Variants in CNTN4 observed in about 807,000 individuals in gnomAD.
The protein encoded by CNTN4 is contactin 4.
Under a neutral mutation model 122.5 loss-of-function variants are expected in CNTN4, and 77 were observed. The ratio of observed to expected loss-of-function variants is 0.63; its 90% CI spans 0.52 to 0.76. CNTN4 has a LOEUF of 0.76. CNTN4 is among the 30% of genes least tolerant of loss of function. The pLI is 0.00. For missense variants in CNTN4, 1,256 were observed against 1,259.1 expected (o/e 1.00, Z 0.04); for synonymous variants, 512 against 447.0 (o/e 1.15, Z -1.83).
chr3:2,982,798 A>G (rs1346030356), intron 13 of CNTN4, among the ~76,000 whole-genome samples: 1 of 152,212 alleles, frequency 6.6e-6, no homozygotes, highest in Non-Finnish European at 1.5e-5. Context: ...CTGTGTGCTT[A>G]TAGAAATGTG....
At chr3:2,449,614 C>CAAA (rs34181793) in intron 3 of CNTN4, among the ~76,000 whole-genome samples, 8 of 126,044 alleles carry the variant, frequency 6.3e-5, no homozygotes, top group African/African-American at 2.3e-4. Context: ...GACTCCATCT[C>CAAA]AAAAAAAAAA....
intron 4 of CNTN4, among the ~76,000 whole-genome samples, chr3:2,734,703 C>T: frequency 6.6e-6 from 1 of 150,514 alleles, no homozygotes; most frequent in Non-Finnish European, 1.5e-5. Flanking sequence ...ATTACCTTAC[C>T]AGGCTTCACC....
At chr3:2,680,152 C>T (rs976721535) in intron 4 of CNTN4, among the ~76,000 whole-genome samples, 1 of 152,130 alleles carries the variant, frequency 6.6e-6, no homozygotes, top group African/African-American at 2.4e-5. Context: ...GAAACTCATC[C>T]AACTAAATAT....
At chr3:2,781,788 G>A (rs369423076) in intron 6 of CNTN4, among the ~76,000 whole-genome samples, 4 of 128,184 alleles carry the variant, frequency 3.1e-5, no homozygotes, top group African/African-American at 7.3e-5. Flanking sequence ...GCAGTAGCGC[G>A]ATCTCTGCTC....
chr3:2,349,512 C>G (rs1032341244), intron 3 of CNTN4, among the ~76,000 whole-genome samples: 3 of 152,126 alleles, frequency 2.0e-5, no homozygotes, highest in Non-Finnish European at 4.4e-5. Context: ...AATCAGACTC[C>G]ATGATTTCAG....
At chr3:2,659,892 G>A (rs1441274906) in intron 4 of CNTN4, among the ~76,000 whole-genome samples, 4 of 152,194 alleles carry the variant, frequency 2.6e-5, no homozygotes, top group Non-Finnish European at 5.9e-5. Flanking sequence ...CATTGCTCCT[G>A]TTCAGATACA....
chr3:2,162,562 T>C (rs1017929315), intron 2 of CNTN4, among the ~76,000 whole-genome samples: 2 of 152,178 alleles, frequency 1.3e-5, no homozygotes, highest in African/African-American at 2.4e-5. Flanking sequence ...AGAGCTATCA[T>C]TGTGCAAAGA....
At chr3:2,861,534 G>A (rs2093671418) in intron 7 of CNTN4, among the ~76,000 whole-genome samples, 1 of 152,084 alleles carries the variant, frequency 6.6e-6, no homozygotes, top group African/African-American at 2.4e-5. Context: ...GTAAAAAACA[G>A]GATACATATT....
chr3:2,230,831 A>T (rs1319537796), intron 2 of CNTN4, among the ~76,000 whole-genome samples: 1 of 151,930 alleles, frequency 6.6e-6, no homozygotes, highest in Non-Finnish European at 1.5e-5. Flanking sequence ...ATAAAAAAAT[A>T]CCAAAATTGG....
chr3:2,414,156 A>G (rs1559531276), intron 3 of CNTN4, among the ~76,000 whole-genome samples: 1 of 152,198 alleles, frequency 6.6e-6, no homozygotes, highest in Non-Finnish European at 1.5e-5. Context: ...GTTTTCTAAC[A>G]ATGTAGGATG....
chr3:2,999,463 A>C (rs9866985), intron 14 of CNTN4, among the ~76,000 whole-genome samples: 14,212 of 152,098 alleles, frequency 0.093, 1,436 homozygotes, highest in African/African-American at 0.25. Flanking sequence ...TAACTTGTGA[A>C]CAATAGCAGC....
At chr3:2,208,142 G>T (rs544277805) in intron 2 of CNTN4, among the ~76,000 whole-genome samples, 2 of 152,140 alleles carry the variant, frequency 1.3e-5, no homozygotes, top group South Asian at 2.1e-4. Context: ...CATAGATAGT[G>T]ATTCCTCTGA....
intron 4 of CNTN4, among the ~76,000 whole-genome samples, chr3:2,572,135 C>T (rs1474732136): frequency 6.6e-6 from 1 of 152,194 alleles, no homozygotes; most frequent in African/African-American, 2.4e-5. Flanking sequence ...CACCATTAAT[C>T]CCAGCACTTT....
intron 4 of CNTN4, among the ~76,000 whole-genome samples, chr3:2,699,275 A>G (rs963228327): frequency 4.6e-5 from 7 of 151,968 alleles, no homozygotes; most frequent in African/African-American, 1.7e-4. Flanking sequence ...GACATGTCTG[A>G]TGTGTTTTTG....
At chr3:3,003,102 C>G (rs1467877599) in intron 14 of CNTN4, among the ~76,000 whole-genome samples, 6 of 152,170 alleles carry the variant, frequency 3.9e-5, no homozygotes, top group Non-Finnish European at 8.8e-5. Context: ...CAAGCCACTT[C>G]AAATGGCTCA....
chr3:2,989,906 A>C (rs1451814219), intron 14 of CNTN4, among the ~76,000 whole-genome samples: 2 of 152,218 alleles, frequency 1.3e-5, no homozygotes, highest in East Asian at 3.8e-4. Flanking sequence ...GATCTGTTAT[A>C]GATTATTTGT....
At chr3:2,742,657 G>A (rs1198321598) in intron 5 of CNTN4, among the ~76,000 whole-genome samples, 1 of 152,156 alleles carries the variant, frequency 6.6e-6, no homozygotes, top group Non-Finnish European at 1.5e-5. Flanking sequence ...ACTCTCTGGA[G>A]AGAGTGGAGT....
At chr3:3,020,150 A>G (rs1698158318) in intron 14 of CNTN4, among the ~76,000 whole-genome samples, 1 of 152,120 alleles carries the variant, frequency 6.6e-6, no homozygotes, top group Non-Finnish European at 1.5e-5. Flanking sequence ...TACTTAATAT[A>G]GCTTCCTGAT....
intron 2 of CNTN4, among the ~76,000 whole-genome samples, chr3:2,108,159 CCTTTT>C (rs1311809772): frequency 1.4e-5 from 2 of 137,982 alleles, no homozygotes; most frequent in Non-Finnish European, 3.1e-5. Flanking sequence ...TTTTCATGTG[CCTTTT>C]CTTTTTTTTT....
Sources: gnomAD v4.1 joint callset for allele counts (sites outside exome capture counted in the v4.1 genomes callset) on GRCh38, gnomAD v4.1.1 for gene constraint, MANE v1.5 for transcripts, NCBI Gene and HGNC (gene_info 2026-07-23, HGNC 2026-07-21) for gene names.